Variants in FBXL17 observed in about 807,000 individuals in gnomAD.
FBXL17 encodes F-box/LRR-repeat protein 17.
Under a neutral mutation model 66.2 loss-of-function variants are expected in FBXL17, and 22 were observed. That is an observed-to-expected ratio of 0.33 (90% confidence interval 0.24 to 0.47). The LOEUF is 0.47. Among genes scored for constraint, FBXL17 ranks in the 20% least tolerant of loss-of-function variants. The pLI is 1.00. For synonymous variants in FBXL17, 474 were observed against 400.5 expected (o/e 1.18, Z -2.19); for missense variants, 878 against 948.2 (o/e 0.93, Z 0.97).
intron 4 of FBXL17, chr5:108,299,602 G>C (rs1355964293): frequency 2.1e-6 from 2 of 968,548 alleles, no homozygotes; most frequent in Non-Finnish European, 2.5e-6. Context: ...CCAATAAATT[G>C]CTATAATGAA....
At chr5:108,110,801 C>T (rs1226369513) in intron 6 of FBXL17, among the ~76,000 whole-genome samples, 7 of 151,168 alleles carry the variant, frequency 4.6e-5, no homozygotes, top group Non-Finnish European at 1.0e-4. Context: ...CCATTATTTG[C>T]TGTACCTAGT....
chr5:107,999,483 AC>A (rs1310412622), intron 7 of FBXL17, among the ~76,000 whole-genome samples: 4 of 138,606 alleles, frequency 2.9e-5, no homozygotes, highest in East Asian at 2.2e-4. Context: ...ACACACACAC[AC>A]CACACACACA....
chr5:108,206,391 A>T (rs1204615774), intron 5 of FBXL17, among the ~76,000 whole-genome samples: 1 of 152,202 alleles, frequency 6.6e-6, no homozygotes, highest in African/African-American at 2.4e-5. Flanking sequence ...AGAAAAACTG[A>T]CATACCAAAG....
chr5:108,128,316 T>C (rs935246242), intron 6 of FBXL17, among the ~76,000 whole-genome samples: 1 of 152,172 alleles, frequency 6.6e-6, no homozygotes, highest in Non-Finnish European at 1.5e-5. Flanking sequence ...TCAGTAATTA[T>C]TTTTTGTTTT....
intron 5 of FBXL17, among the ~76,000 whole-genome samples, chr5:108,218,065 T>C (rs1038055075): frequency 2.1e-5 from 3 of 145,998 alleles, no homozygotes; most frequent in Non-Finnish European, 4.5e-5. Flanking sequence ...TCGCCTAGGC[T>C]GGAGTGCAGT....
chr5:108,000,363 A>G (rs1430985581), intron 7 of FBXL17, among the ~76,000 whole-genome samples: 3 of 152,206 alleles, frequency 2.0e-5, no homozygotes. Context: ...TGCAGGGAGA[A>G]GATGAAGACA....
At chr5:107,977,141 T>C (rs1407454688) in intron 7 of FBXL17, among the ~76,000 whole-genome samples, 1 of 152,198 alleles carries the variant, frequency 6.6e-6, no homozygotes, top group Non-Finnish European at 1.5e-5. Flanking sequence ...AGTTATTCAT[T>C]GGAGATAACT....
rs568820932 is a variant in FBXL17 at position 108,271,825 on chromosome 5, C to T, written c.1507-47597G>A. On this transcript the variant is annotated intron_variant, in intron 4 of 8. Coordinates refer to ENST00000542267, the MANE Select transcript of FBXL17 (RefSeq NM_001163315.3). ...AAGAATTCTTGAAAGATCTCCAAAA[C>T]AGGAATTTCTGGCTCCCTTATGTGA... Among the ~76,000 whole-genome samples the T allele has an allele frequency of 2.2e-3, 330 of 152,284 alleles. 3 individuals carry two copies. Among genetic ancestry groups the T allele is most frequent in the Middle Eastern group, 6.8e-3 (2 of 294 alleles).
At chr5:107,969,629 T>C (rs754293227) in intron 7 of FBXL17, among the ~76,000 whole-genome samples, 19 of 152,162 alleles carry the variant, frequency 1.2e-4, no homozygotes, top group Non-Finnish European at 2.6e-4. Flanking sequence ...CTTCAGGTGA[T>C]CCACAGTCTC....
Position 107,918,897 on chromosome 5 carries a change from C to T in FBXL17, c.1823-37718G>A, listed in dbSNP as rs535617767. Among the ~76,000 whole-genome samples the T allele has an allele frequency of 4.6e-5, 7 of 152,276 alleles. No homozygotes were observed. The South Asian group carries it at 1.5e-3, about 32-fold the overall frequency. On this transcript the variant is annotated intron_variant, in intron 7 of 8. Coordinates refer to ENST00000542267, the MANE Select transcript of FBXL17 (RefSeq NM_001163315.3). ...ATTTTGTAGATCCAGGGAAGCCATG[C>T]ATGAGCTCTTGCTTTCATTATATTT...
At position 108,096,785 on chromosome 5, in the gene FBXL17, G is replaced by C. The variant is rs1009557412; in HGVS notation, c.1746-75784C>G. ...CAATGGGAGGACAGTATGAAGCTCT[G>C]GGTTAAGGAGGGCAGGCCTCATAAG... is the stretch of plus-strand genomic sequence containing the variant. On this transcript the variant is annotated intron_variant, in intron 6 of 8. Transcript: ENST00000542267. Among the ~76,000 whole-genome samples the C allele has an allele frequency of 7.9e-5, 12 of 152,266 alleles. 1 individual carries two copies. The highest frequency in any genetic ancestry group is 7.8e-4 in the Admixed American group (12 of 15,288).
At chr5:108,139,584 A>T (rs1051290195) in intron 6 of FBXL17, among the ~76,000 whole-genome samples, 5 of 152,172 alleles carry the variant, frequency 3.3e-5, no homozygotes, top group African/African-American at 7.2e-5. Flanking sequence ...TTCTAATAGC[A>T]GCTCTTCCAA....
In FBXL17 at chr5:108,179,133, A is replaced by G. The variant is rs540154032; in HGVS notation, c.1745+6984T>C. 1.4e-4 allele frequency among the ~76,000 whole-genome samples: 22 copies of G among 152,314 alleles called. No homozygotes were observed. The East Asian group carries it at 1.7e-3, about 12-fold the overall frequency. On this transcript the variant is annotated intron_variant, in intron 6 of 8. Transcript: ENST00000542267. ...AATATATAGCATATGTTCACAAAAC[A>G]ATTCTTGGAAATAAAACACAATGGG...
chr5:108,016,068 T>G (rs1260652049), intron 7 of FBXL17, among the ~76,000 whole-genome samples: 3 of 152,216 alleles, frequency 2.0e-5, no homozygotes, highest in African/African-American at 7.2e-5. Context: ...ATATTATGTT[T>G]GACAGAATGA....
At chr5:108,066,704 TC>T (rs1748128553) in intron 6 of FBXL17, among the ~76,000 whole-genome samples, 1 of 151,972 alleles carries the variant, frequency 6.6e-6, no homozygotes, top group Non-Finnish European at 1.5e-5. Flanking sequence ...TATTATTTTA[TC>T]TTTTCTATAA....
intron 4 of FBXL17, among the ~76,000 whole-genome samples, chr5:108,245,328 A>C (rs1158214570): frequency 6.6e-6 from 1 of 152,162 alleles, no homozygotes. Flanking sequence ...CAAGGTATAA[A>C]GCCCTAATAA....
chr5:108,355,714 GA>G lies in FBXL17; in HGVS notation c.1375-7185del, dbSNP rs990301230. On this transcript the variant is annotated intron_variant, in intron 3 of 8. Transcript: ENST00000542267. ...AGGATAACCACTTTAAAAAGTAAAAGAAAAAAAACCAACTATGATTGACTGC... is the reference window on the plus strand; with the variant it reads ...AGGATAACCACTTTAAAAAGTAAAAGAAAAAAACCAACTATGATTGACTGC... 5.3e-5 allele frequency among the ~76,000 whole-genome samples: 8 copies of G among 151,454 alleles called. No individual in the cohort carries two copies. In the South Asian group the frequency reaches 8.3e-4, roughly 16 times the overall value.
intron 5 of FBXL17, among the ~76,000 whole-genome samples, chr5:108,198,653 T>C (rs1173744396): frequency 6.6e-6 from 1 of 152,192 alleles, no homozygotes; most frequent in East Asian, 1.9e-4. Context: ...CTGAATCAGA[T>C]CACATTTGTT....
chr5:108,219,591 G>C (rs1243012581), intron 5 of FBXL17, among the ~76,000 whole-genome samples: 3 of 152,042 alleles, frequency 2.0e-5, no homozygotes, highest in African/African-American at 4.8e-5. Context: ...GGAGGCTGAG[G>C]CAGGAGAATT....
Sources: allele counts gnomAD v4.1 joint callset (sites outside exome capture counted in the v4.1 genomes callset), GRCh38; gene constraint gnomAD v4.1.1; transcripts MANE v1.5; gene names NCBI Gene and HGNC (gene_info 2026-07-23, HGNC 2026-07-21).